The following TACC3 variants were observed in gnomAD, a reference collection of about 807,000 sequenced individuals.
TACC3 encodes the protein transforming acidic coiled-coil containing protein 3, also known as transforming acidic coiled-coil-containing protein 3.
Under a neutral mutation model 86.0 loss-of-function variants are expected in TACC3, and 52 were observed. The observed-to-expected ratio is 0.60, with a 90% confidence interval of 0.48 to 0.76. TACC3 has a LOEUF of 0.76. TACC3 is among the 30% of genes least tolerant of loss of function. The pLI is 0.00. For synonymous variants in TACC3, 512 were observed against 430.0 expected, an observed-to-expected ratio of 1.19 and a Z score of -2.36; for missense variants, 1,120 against 1,070.4, an observed-to-expected ratio of 1.05 and a Z score of -0.65.
chr4:1,727,262 G>A (rs138146232), intron 3 of TACC3, among the ~76,000 whole-genome samples: 17 of 152,300 alleles, frequency 1.1e-4, no homozygotes, highest in East Asian at 7.7e-4. Flanking sequence ...TCCCACATCT[G>A]ACCCCCCAGG....
At chr4:1,742,122 CTG>C in intron 13 of TACC3, 1 of 152,382 alleles carries the variant, frequency 6.6e-6, no homozygotes. Context: ...AAAACAAAAA[CTG>C]TTGATAGACC....
rs3217571 is a variant in TACC3 at position 1,737,791 on chromosome 4, C to CGCCATCCCT, written c.1941+102_1941+110dup. 48 of 1,103,006 alleles carry CGCCATCCCT rather than the reference C, an allele frequency of 4.4e-5. 1 individual carries two copies. Among genetic ancestry groups the CGCCATCCCT allele is most frequent in the South Asian group, 8.1e-5 (6 of 73,920 alleles). The allele number at this position is 1,103,006 out of a possible 1,614,324, so 68.3% of individuals were successfully genotyped here. ...TGGGCAGGGGTCCAACAGCCTGACC[C>CGCCATCCCT]GCCATCCCTGCCATCCCTGCCCCTG... On this transcript the variant is annotated intron_variant, in intron 10 of 15. Coordinates refer to ENST00000313288, the MANE Select transcript of TACC3 (RefSeq NM_006342.3).
At chr4:1,729,030 G>A (rs976792042) in intron 4 of TACC3, among the ~76,000 whole-genome samples, 1 of 152,212 alleles carries the variant, frequency 6.6e-6, no homozygotes, top group Non-Finnish European at 1.5e-5. Flanking sequence ...CAATAAGGGC[G>A]GGCTCAGGCC....
At chr4:1,730,744 C>T in intron 4 of TACC3, 143 bp from the exon 5 acceptor site, 2 of 985,694 alleles carry the variant, frequency 2.0e-6, no homozygotes, top group Non-Finnish European at 3.2e-6. Flanking sequence ...TTGGGACAGC[C>T]CCATGCCTGG....
Position 1,740,944 on chromosome 4 carries a change from G to C in TACC3, c.2181G>C (p.Lys727Asn). The stretch of plus-strand genomic sequence containing the variant: ...AGAAGTCCTTCTCCGACCTCTTCAA[G>C]CGTTTTGAGAAACAGAAAGAGGTGA... ...SMEKSFSDLF[K>N]RFEKQKEVIE... The change falls in exon 13 of 16, where the codon AAG (lysine) becomes AAC (asparagine). Residue 727 changes from lysine (K) to asparagine (N), a missense_variant. Coordinates refer to ENST00000313288, the MANE Select transcript of TACC3 (RefSeq NM_006342.3). 1 of 1,611,624 alleles carries C rather than the reference G, an allele frequency of 6.2e-7. No individual in the cohort carries two copies. The highest frequency in any genetic ancestry group is 1.1e-5 in the South Asian group (1 of 90,600).
intron 13 of TACC3, among the ~76,000 whole-genome samples, chr4:1,743,680 G>A (rs1406868134): frequency 6.6e-6 from 1 of 152,246 alleles, no homozygotes; most frequent in African/African-American, 2.4e-5. Flanking sequence ...GAACCAGTGT[G>A]TGGACGGCAG....
intron 10 of TACC3, among the ~76,000 whole-genome samples, chr4:1,739,137 T>G (rs1280345224): frequency 2.6e-5 from 4 of 152,034 alleles, no homozygotes; most frequent in Non-Finnish European, 4.4e-5. Context: ...TGAAACCCTG[T>G]CTCTACTAAA....
chr4:1,744,571 G>C lies in TACC3; in HGVS notation c.2277G>C (p.Gln759His). The C allele has an allele frequency of 6.2e-7, 1 of 1,613,280 alleles. No homozygotes were observed. Among genetic ancestry groups the C allele is most frequent in the South Asian group, 1.1e-5 (1 of 91,086 alleles). ...AGGATTACCTGGCAAGGATCACCCA[G>C]GAGGGCCAGAGGTACCAAGCCCTGA... ...CVEDYLARIT[Q>H]EGQRYQALKA... is the part of the protein sequence containing the mutation. The change falls in exon 14 of 16, where the codon CAG (glutamine) becomes CAC (histidine). Residue 759 changes from glutamine to histidine, a missense_variant. Coordinates refer to ENST00000313288, the MANE Select transcript of TACC3 (RefSeq NM_006342.3).
In TACC3 at chr4:1,744,695, C is replaced by T. The variant is rs554992075; in HGVS notation, c.2331-17C>T. On this transcript the variant is annotated splice_polypyrimidine_tract_variant and intron_variant, in intron 14 of 15. Coordinates refer to ENST00000313288, the MANE Select transcript of TACC3 (RefSeq NM_006342.3). ...CTGGGCCCCAGCTCAGCCTCTGCCC[C>T]GCCCCTACCCCTCCAGGGCAAACGA... 6.2e-6 allele frequency: 10 copies of T among 1,612,304 alleles called. No individual in the cohort carries two copies. The East Asian group carries it at 6.7e-5, about 11-fold the overall frequency.
chr4:1,740,785 G>A (rs1377663428), intron 12 of TACC3, 41 bp from the exon 13 acceptor site: 27 of 1,576,566 alleles, frequency 1.7e-5, no homozygotes, highest in Non-Finnish European at 2.2e-5. Context: ...CATCGTTTCG[G>A]TTGCCTCCTC....
At chr4:1,740,343 C>T (rs1718526044) in intron 12 of TACC3, 1 of 451,866 alleles carries the variant, frequency 2.2e-6, no homozygotes, top group Non-Finnish European at 4.0e-6. Flanking sequence ...CTAGCAGCAG[C>T]CTCTGTAGGT....
Position 1,723,593 on chromosome 4 carries a change from A to AC in TACC3, c.162+12dup, listed in dbSNP as rs527928959. On this transcript the variant is annotated intron_variant, in intron 2 of 15. Coordinates refer to ENST00000313288, the MANE Select transcript of TACC3 (RefSeq NM_006342.3). ...GGCCAAAGCTATGAAGGTAAGTGTG[A>AC]CCTGTACAGTGTGTGGCTGGCCAGG... 6.8e-5 allele frequency: 110 copies of AC among 1,611,772 alleles called. 1 individual carries two copies. In the African/African-American group the frequency reaches 1.3e-3, roughly 19 times the overall value.
At chr4:1,723,931 A>G in intron 3 of TACC3, 61 bp downstream of exon 3, 4 of 1,571,428 alleles carry the variant, frequency 2.5e-6, no homozygotes, top group Non-Finnish European at 2.6e-6. Flanking sequence ...TGGTTCTTGC[A>G]GGAAAGTGCT....
chr4:1,741,114 T>C, intron 13 of TACC3, 128 bp downstream of exon 13: 2 of 880,488 alleles, frequency 2.3e-6, no homozygotes, highest in Non-Finnish European at 3.5e-6. Context: ...CACGGGGGCA[T>C]GGGATGACCT....
intron 3 of TACC3, among the ~76,000 whole-genome samples, chr4:1,724,838 T>C (rs1717605990): frequency 6.6e-6 from 1 of 151,874 alleles, no homozygotes; most frequent in African/African-American, 2.4e-5. Context: ...CACAGCTCAC[T>C]GCAGCCTCAA....
Position 1,735,697 on chromosome 4 carries a change from A to AG in TACC3, c.1645-33dup. 6.5e-7 allele frequency: 1 copy of AG among 1,544,428 alleles called. No individual in the cohort carries two copies. The highest frequency in any genetic ancestry group is 2.3e-5 in the East Asian group (1 of 44,316). On this transcript the variant is annotated intron_variant, in intron 7 of 15. Transcript: ENST00000313288. This position sits in a 1 kb window ranked among gnomAD's most constrained non-coding sequence, Gnocchi z 4.2. ...GCCCCCGTGTGTGTTAGGGGATGGC[A>AG]GTCAGACCTGATCACTTGCCCTCTT...
chr4:1,720,826 G>C, upstream of TACC3: 1 of 1,584,282 alleles, frequency 6.3e-7, no homozygotes, highest in Non-Finnish European at 8.6e-7. This position sits in a 1 kb window ranked among gnomAD's most constrained non-coding sequence, Gnocchi z 4.4. Flanking sequence ...AGGTCACCTC[G>C]GGGCTGTCCA....
At chr4:1,742,995 G>A (rs190944370) in intron 13 of TACC3, among the ~76,000 whole-genome samples, 17 of 152,196 alleles carry the variant, frequency 1.1e-4, no homozygotes, top group Non-Finnish European at 2.1e-4. Context: ...AAACTAGGCC[G>A]GCTTATGCCT....
rs185842121 is a variant in TACC3 at position 1,734,949 on chromosome 4, C to T, written c.1592-324C>T. Reference sequence around the variant, plus strand: ...AGTTATATTATCAAAAATTAAAAGACTTGTCTAGGGTAATTTTAAAGACTA... The same window carrying T: ...AGTTATATTATCAAAAATTAAAAGATTTGTCTAGGGTAATTTTAAAGACTA... On this transcript the variant is annotated intron_variant, in intron 6 of 15. Transcript: ENST00000313288. Among the ~76,000 whole-genome samples, 28 of 152,360 alleles carry T rather than the reference C, an allele frequency of 1.8e-4. 1 individual carries two copies. The highest frequency in any genetic ancestry group is 1.1e-3 in the Admixed American group (17 of 15,310).
Sources: allele counts gnomAD v4.1 joint callset (sites outside exome capture counted in the v4.1 genomes callset), GRCh38; gene constraint gnomAD v4.1.1; non-coding constraint Gnocchi (gnomAD v3.1); transcripts MANE v1.5; gene names NCBI Gene and HGNC (gene_info 2026-07-23, HGNC 2026-07-21).